The following RBBP9 variants were observed in gnomAD, a reference collection of about 807,000 sequenced individuals.
RBBP9 encodes RB binding protein 9, serine hydrolase.
Under a neutral mutation model 24.2 loss-of-function variants are expected in RBBP9, and 20 were observed. That is an observed-to-expected ratio of 0.83 (90% confidence interval 0.58 to 1.20). RBBP9 has a LOEUF of 1.20. Among genes scored for constraint, RBBP9 ranks in the 50% most tolerant of loss-of-function variants. The probability of loss-of-function intolerance (pLI) is 0.00; values close to 1 mark genes in which losing one functional copy is unlikely to be tolerated. For synonymous variants in RBBP9, 74 were observed against 84.6 expected (o/e 0.87, Z 0.69); for missense variants, 234 against 233.6 (o/e 1.00, Z -0.01).
chr20:18,490,971 G>A (rs111879266), intron 3 of RBBP9, among the ~76,000 whole-genome samples: 10 of 152,256 alleles, frequency 6.6e-5, no homozygotes, highest in South Asian at 2.1e-4. Context: ...GAGCCACCAC[G>A]CCCAGCCACT....
Position 18,490,332 on chromosome 20 carries a change from A to T in RBBP9, c.334+63T>A. The stretch of plus-strand genomic sequence containing the variant: ...TCTGAAAGACAGCACTGTTTTTACA[A>T]CCTAAACAGACAGCCCCATGTCTAG... On this transcript the variant is annotated intron_variant, in intron 4 of 4. Coordinates refer to ENST00000337227, the MANE Select transcript of RBBP9 (RefSeq NM_006606.3). 5 of 1,330,104 alleles carry T rather than the reference A, an allele frequency of 3.8e-6. No homozygotes were observed. In the South Asian group the frequency reaches 5.9e-5, roughly 16 times the overall value. The allele number at this position is 1,330,104 out of a possible 1,614,324, so 82.4% of individuals were successfully genotyped here. A position where few individuals can be genotyped will look rare whatever the true frequency, so the allele number is the denominator to read the frequency against.
chr20:18,495,613 AAATAAAT>A lies in RBBP9; in HGVS notation c.142+218_142+224del, dbSNP rs1328200323. On this transcript the variant is annotated intron_variant, in intron 2 of 4. Coordinates refer to ENST00000337227, the MANE Select transcript of RBBP9 (RefSeq NM_006606.3). ...TAAATAAATAAATAAATAAATAAAT[AAATAAAT>A]AAAAATGACAAATTCACAGAATTGA... is the stretch of plus-strand genomic sequence containing the variant. Among the ~76,000 whole-genome samples the A allele has an allele frequency of 1.1e-4, 16 of 149,248 alleles. No individual in the cohort carries two copies. The South Asian group carries it at 2.3e-3, about 22-fold the overall frequency.
intron 1 of RBBP9, 50 bp downstream of exon 1, chr20:18,497,019 C>T (rs2059889045): frequency 3.3e-6 from 5 of 1,495,766 alleles, no homozygotes; most frequent in African/African-American, 1.4e-5. Flanking sequence ...CCTCTCCCGC[C>T]GTCCCTCCCT....
rs1355145658 is a variant in RBBP9 at position 18,495,821 on chromosome 20, A to G, written c.142+17T>C. 1 of 1,545,730 alleles carries G rather than the reference A, an allele frequency of 6.5e-7. No individual in the cohort carries two copies. Among genetic ancestry groups the G allele is most frequent in the Non-Finnish European group, 8.9e-7 (1 of 1,118,972 alleles). ...CCCAACAAGATGAGGCTATTTAAAAACAAGTTTAAAACTTACTTGGGTCGG... is the reference window on the plus strand; with the variant it reads ...CCCAACAAGATGAGGCTATTTAAAAGCAAGTTTAAAACTTACTTGGGTCGG... On this transcript the variant is annotated intron_variant, in intron 2 of 4. Coordinates refer to ENST00000337227, the MANE Select transcript of RBBP9 (RefSeq NM_006606.3).
At chr20:18,490,324 T>C in intron 4 of RBBP9, 71 bp downstream of exon 4, 1 of 1,258,576 alleles carries the variant, frequency 7.9e-7, no homozygotes. Context: ...GACAGCACTG[T>C]TTTTACAACC....
chr20:18,495,770 C>CTACCACAAAAA (rs1187461452), intron 2 of RBBP9, 68 bp downstream of exon 2: 26 of 1,451,328 alleles, frequency 1.8e-5, no homozygotes, highest in Non-Finnish European at 2.4e-5. Flanking sequence ...TTCTTGTTCT[C>CTACCACAAAAA]TACCACAAAA....
Position 18,495,898 on chromosome 20 carries a change from A to G in RBBP9, c.100-18T>C. ...CCAGGTATCTATGATATGAGGGGGG[A>G]GAAAAAGCTATAATAAAGAGCTTAA... On this transcript the variant is annotated intron_variant, in intron 1 of 4. Transcript: ENST00000337227. 1 of 1,512,142 alleles carries G rather than the reference A, an allele frequency of 6.6e-7. No homozygotes were observed. The highest frequency in any genetic ancestry group is 9.0e-7 in the Non-Finnish European group (1 of 1,108,530). The allele number at this position is 1,512,142 out of a possible 1,614,324, so 93.7% of individuals were successfully genotyped here.
chr20:18,486,965 C>G lies in RBBP9; in HGVS notation c.*2799G>C, dbSNP rs1033546448. On this transcript the variant is annotated 3_prime_UTR_variant, in exon 5 of 5. Coordinates refer to ENST00000337227, the MANE Select transcript of RBBP9 (RefSeq NM_006606.3). The stretch of plus-strand genomic sequence containing the variant: ...ATAGACCTATGATGTTGGTGGTGAT[C>G]AGCTAAGCAAACTAGCCAAACAGAA... 2.0e-5 allele frequency: 3 copies of G among 152,164 alleles called. No individual in the cohort carries two copies. The highest frequency in any genetic ancestry group is 4.4e-5 in the Non-Finnish European group (3 of 68,038). The allele number at this position is 152,164 out of a possible 1,614,324, so 9.4% of individuals were successfully genotyped here.
At chr20:18,490,682 CTTTT>C (rs398061351) in intron 3 of RBBP9, among the ~76,000 whole-genome samples, 2 of 139,218 alleles carry the variant, frequency 1.4e-5, no homozygotes, top group Admixed American at 7.2e-5. Context: ...ACTCATTTTT[CTTTT>C]TTTTTTTTTT....
At chr20:18,492,773 G>T (rs774385084) in intron 3 of RBBP9, among the ~76,000 whole-genome samples, 4 of 152,100 alleles carry the variant, frequency 2.6e-5, no homozygotes, top group Non-Finnish European at 5.9e-5. Flanking sequence ...TTCTTAGAAG[G>T]TTGCTAAGAA....
chr20:18,495,814 T>C (rs1450800544), intron 2 of RBBP9, 24 bp downstream of exon 2: 14 of 1,538,596 alleles, frequency 9.1e-6, no homozygotes, highest in African/African-American at 1.4e-5. Flanking sequence ...GATGAGGCTA[T>C]TTAAAAACAA....
chr20:18,494,286 T>TTC (rs1329025288), intron 2 of RBBP9, among the ~76,000 whole-genome samples: 2 of 148,946 alleles, frequency 1.3e-5, no homozygotes, highest in Non-Finnish European at 3.0e-5. Flanking sequence ...TTTTCTCTTT[T>TTC]TTTTTTTTTT....
rs35822681 is a variant in RBBP9, at chr20:18,488,971, G to GTGTGTGTGTGTGTATA, written c.*792_*793insTATACACACACACACA. ...TATGTGTATGTGTGTGTGTGTGTGTGTATATATATATATATTTGCATTCCC... is the reference window on the plus strand; with the variant it reads ...TATGTGTATGTGTGTGTGTGTGTGTGTGTGTGTGTGTGTATATATATATATATATATTTGCATTCCC... On this transcript the variant is annotated 3_prime_UTR_variant, in exon 5 of 5. Coordinates refer to ENST00000337227, the MANE Select transcript of RBBP9 (RefSeq NM_006606.3). The GTGTGTGTGTGTGTATA allele has an allele frequency of 3.2e-4, 47 of 148,804 alleles. No homozygotes were observed. Among genetic ancestry groups the GTGTGTGTGTGTGTATA allele is most frequent in the African/African-American group, 1.1e-3 (43 of 40,600 alleles). 9.2% of individuals were successfully genotyped at this position (148,804 alleles called of 1,614,324 possible). A position where few individuals can be genotyped will look rare whatever the true frequency, so the allele number is the denominator to read the frequency against.
intron 2 of RBBP9, among the ~76,000 whole-genome samples, chr20:18,494,282 CTT>C (rs34967358): frequency 1.6e-3 from 196 of 122,096 alleles, no homozygotes; most frequent in Middle Eastern, 4.4e-3. Flanking sequence ...TTTCTTTTCT[CTT>C]TTTTTTTTTT....
intron 1 of RBBP9, 140 bp downstream of exon 1, chr20:18,496,929 A>G (rs1294764815): frequency 5.8e-5 from 39 of 674,314 alleles, no homozygotes; most frequent in Non-Finnish European, 9.2e-5. Context: ...CTTTAAGAGA[A>G]GGCAGCGGGG....
chr20:18,493,459 A>C (rs1392972600), intron 3 of RBBP9, among the ~76,000 whole-genome samples: 3 of 152,200 alleles, frequency 2.0e-5, no homozygotes, highest in African/African-American at 7.2e-5. Flanking sequence ...AAGAGATAGG[A>C]GCCAGTAGAG....
Position 18,495,315 on chromosome 20 carries a change from T to C in RBBP9, c.142+523A>G, listed in dbSNP as rs1282125917. Among the ~76,000 whole-genome samples, 14 of 146,008 alleles carry C rather than the reference T, an allele frequency of 9.6e-5. No homozygotes were observed. In the South Asian group the frequency reaches 2.9e-3, roughly 30 times the overall value. ...CCAACCCTGTGCTCTCTGAAACATG[T>C]GCTGTGTCCACTCAGGGTTAAATGG... is the stretch of plus-strand genomic sequence containing the variant. On this transcript the variant is annotated intron_variant, in intron 2 of 4. Coordinates refer to ENST00000337227, the MANE Select transcript of RBBP9 (RefSeq NM_006606.3).
chr20:18,490,423 G>A lies in RBBP9; in HGVS notation c.306C>T (p.Asp102=). The A allele has an allele frequency of 6.2e-7, 1 of 1,613,886 alleles. No homozygotes were observed. Among genetic ancestry groups the A allele is most frequent in the Non-Finnish European group, 8.5e-7 (1 of 1,179,814 alleles). The change falls in exon 4 of 5, where the codon GAC becomes GAT. Residue 102 remains aspartate, a synonymous_variant. Coordinates refer to ENST00000337227, the MANE Select transcript of RBBP9 (RefSeq NM_006606.3). ...AIVLVSAYTS[D]LGDENERASG... ...TTGCACGCTCATTTTCATCCCCCAA[G>A]TCTGATGTGTACGCAGACACTAATA...
At chr20:18,495,733 G>A in intron 2 of RBBP9, 105 bp downstream of exon 2, 1 of 1,073,532 alleles carries the variant, frequency 9.3e-7, no homozygotes, top group Non-Finnish European at 1.4e-6. Flanking sequence ...TAGGTATATA[G>A]GCATCTTTGG....
Sources: gnomAD v4.1 joint callset for allele counts (sites outside exome capture counted in the v4.1 genomes callset) on GRCh38, gnomAD v4.1.1 for gene constraint, MANE v1.5 for transcripts, NCBI Gene and HGNC (gene_info 2026-07-23, HGNC 2026-07-21) for gene names.